Variants in CFAP52 observed in about 807,000 individuals in gnomAD.
CFAP52 encodes the protein cilia- and flagella-associated protein 52.
CFAP52 carries 57 observed loss-of-function variants against 70.5 expected under a neutral mutation model. The ratio of observed to expected loss-of-function variants is 0.81; its 90% CI spans 0.65 to 1.01. The LOEUF (loss-of-function observed/expected upper bound fraction) is 1.01. CFAP52 is among the 50% of genes least tolerant of loss of function. The probability of loss-of-function intolerance (pLI) is 0.00; values close to 1 mark genes in which losing one functional copy is unlikely to be tolerated. For synonymous variants in CFAP52, 267 were observed against 292.5 expected (o/e 0.91, Z 0.89); for missense variants, 785 against 788.5 (o/e 1.00, Z 0.05).
rs556615512 is a variant in CFAP52, at chr17:9,600,230, T to C, written c.753+47T>C. On this transcript the variant is annotated intron_variant, in intron 6 of 13. Transcript: ENST00000352665. Reference sequence around the variant, plus strand: ...TGCCCTGCCATTTTTCTCCCTTCACTGGCAGCATGTACTTTTTTTTTTCCT... The same window carrying C: ...TGCCCTGCCATTTTTCTCCCTTCACCGGCAGCATGTACTTTTTTTTTTCCT... The C allele has an allele frequency of 7.4e-6, 11 of 1,488,308 alleles. No individual in the cohort carries two copies. In the Admixed American group the frequency reaches 1.7e-4, roughly 23 times the overall value. The allele number at this position is 1,488,308 out of a possible 1,614,324, so 92.2% of individuals were successfully genotyped here.
intron 3 of CFAP52, among the ~76,000 whole-genome samples, chr17:9,590,733 C>A (rs1908708958): frequency 6.6e-6 from 1 of 152,182 alleles, no homozygotes; most frequent in Admixed American, 6.5e-5. Context: ...AACTGTTAAT[C>A]TCTGCTGTAA....
At chr17:9,577,894 C>T (rs149194646) in intron 1 of CFAP52, among the ~76,000 whole-genome samples, 162 of 152,190 alleles carry the variant, frequency 1.1e-3, no homozygotes, top group African/African-American at 3.7e-3. Flanking sequence ...GAGTTCGAGA[C>T]CATCCTGTCC....
At chr17:9,613,079 A>G (rs752953359) in intron 8 of CFAP52, among the ~76,000 whole-genome samples, 2 of 152,022 alleles carry the variant, frequency 1.3e-5, no homozygotes, top group East Asian at 3.8e-4. Flanking sequence ...GATATTTTCA[A>G]TTACATTGGG....
chr17:9,586,339 G>A (rs189773762), intron 2 of CFAP52, among the ~76,000 whole-genome samples: 31 of 152,096 alleles, frequency 2.0e-4, no homozygotes, highest in Admixed American at 5.9e-4. Flanking sequence ...CTAGACGGTC[G>A]GATCCCCTGA....
At chr17:9,629,917 TCTC>T (rs1049726851) in intron 9 of CFAP52, among the ~76,000 whole-genome samples, 3 of 151,768 alleles carry the variant, frequency 2.0e-5, no homozygotes, top group South Asian at 2.1e-4. Context: ...GGCCCTGTCT[TCTC>T]CTCCTTGTTA....
chr17:9,638,139 G>C (rs972648738), intron 11 of CFAP52, among the ~76,000 whole-genome samples: 1 of 152,154 alleles, frequency 6.6e-6, no homozygotes, highest in South Asian at 2.1e-4. Flanking sequence ...GCTTTTATTT[G>C]TGAATTAAAG....
At chr17:9,579,682 C>T (rs1174919000) in intron 1 of CFAP52, among the ~76,000 whole-genome samples, 2 of 152,204 alleles carry the variant, frequency 1.3e-5, no homozygotes, top group Non-Finnish European at 2.9e-5. Context: ...ATTCTCCTGC[C>T]TCAGCCTCCC....
intron 2 of CFAP52, among the ~76,000 whole-genome samples, chr17:9,586,208 G>A (rs534561803): frequency 5.9e-5 from 9 of 152,112 alleles, no homozygotes; most frequent in South Asian, 2.1e-4. Flanking sequence ...AAAAGTTCCC[G>A]CTTAAAGCTG....
In CFAP52 at chr17:9,598,052, G is replaced by A. The variant is rs115922623; in HGVS notation, c.537-182G>A. Among the ~76,000 whole-genome samples the A allele has an allele frequency of 3.3e-3, 503 of 151,958 alleles. 4 individuals are homozygous for A. Among genetic ancestry groups the A allele is most frequent in the African/African-American group, 0.012 (488 of 41,450 alleles). On this transcript the variant is annotated intron_variant, in intron 4 of 13. Transcript: ENST00000352665. Reference sequence around the variant, plus strand: ...CTCCGCACTTTCTAATTTGGGAGGGGGGATCATAAAACCTGCCTCGTGGTG... The same window carrying A: ...CTCCGCACTTTCTAATTTGGGAGGGAGGATCATAAAACCTGCCTCGTGGTG...
At chr17:9,585,450 C>T (rs1036973590) in intron 1 of CFAP52, among the ~76,000 whole-genome samples, 7 of 152,028 alleles carry the variant, frequency 4.6e-5, no homozygotes, top group Non-Finnish European at 7.4e-5. Context: ...GGACGGATCA[C>T]GAGGTCAGCA....
intron 8 of CFAP52, among the ~76,000 whole-genome samples, chr17:9,625,824 G>A (rs747001263): frequency 6.6e-6 from 1 of 152,168 alleles, no homozygotes; most frequent in Admixed American, 6.5e-5. Flanking sequence ...GAGAAAATGT[G>A]TGTGAACCAG....
chr17:9,614,376 G>C (rs184358806), intron 8 of CFAP52, among the ~76,000 whole-genome samples: 6 of 151,892 alleles, frequency 4.0e-5, no homozygotes, highest in Admixed American at 6.6e-5. Context: ...AGCTGGTCGC[G>C]AGCTCCCAAC....
chr17:9,636,774 C>T lies in CFAP52; in HGVS notation c.1472+1218C>T, dbSNP rs866768286. Among the ~76,000 whole-genome samples the T allele has an allele frequency of 5.1e-4, 78 of 152,148 alleles. No homozygotes were observed. In the Middle Eastern group the frequency reaches 0.01, roughly 20 times the overall value. ...AAAAAACACAAAGCACTGCTGGGCG[C>T]GGTGGCTCCCGCCTGTAACCCCAGC... On this transcript the variant is annotated intron_variant, in intron 11 of 13. Coordinates refer to ENST00000352665, the MANE Select transcript of CFAP52 (RefSeq NM_145054.5).
intron 6 of CFAP52, 117 bp from the exon 7 acceptor site, chr17:9,608,002 T>G: frequency 1.5e-6 from 1 of 677,022 alleles, no homozygotes. Context: ...ATATTTAAAA[T>G]TTTTTTTATT....
At chr17:9,636,329 T>C (rs1910803012) in intron 11 of CFAP52, among the ~76,000 whole-genome samples, 1 of 152,186 alleles carries the variant, frequency 6.6e-6, no homozygotes, top group Non-Finnish European at 1.5e-5. Context: ...GAACTTCCCA[T>C]GGAGGGGAGG....
chr17:9,616,155 G>A (rs1909906295), intron 8 of CFAP52, among the ~76,000 whole-genome samples: 1 of 142,280 alleles, frequency 7.0e-6, no homozygotes, highest in African/African-American at 3.1e-5. Flanking sequence ...CCGTGCGCGA[G>A]CCGAAGCAGG....
chr17:9,629,107 T>G lies in CFAP52; in HGVS notation c.1174+287T>G, dbSNP rs906460390. On this transcript the variant is annotated intron_variant, in intron 9 of 13. Coordinates refer to ENST00000352665, the MANE Select transcript of CFAP52 (RefSeq NM_145054.5). ...AGAAGTTCAATTTTGAAAAGGAGTT[T>G]GAAAAGGACAGGTCCCCCATGTGAG... Among the ~76,000 whole-genome samples the G allele has an allele frequency of 2.0e-5, 3 of 152,214 alleles. No homozygotes were observed. In the East Asian group the frequency reaches 5.8e-4, roughly 29 times the overall value.
Position 9,594,337 on chromosome 17 carries a change from C to A in CFAP52, c.536+16C>A. 1.2e-6 allele frequency: 2 copies of A among 1,607,262 alleles called. No homozygotes were observed. The highest frequency in any genetic ancestry group is 1.1e-5 in the South Asian group (1 of 89,958). On this transcript the variant is annotated intron_variant, in intron 4 of 13. Coordinates refer to ENST00000352665, the MANE Select transcript of CFAP52 (RefSeq NM_145054.5). ...CTGCTGGAAAGTATGTGTCTGCGTT[C>A]GGAGTTTTCAGAACTCATAAATTGC...
intron 4 of CFAP52, among the ~76,000 whole-genome samples, chr17:9,596,059 G>GTGTGTGTGTATATATATATA (rs1555541607): frequency 1.2e-5 from 1 of 85,206 alleles, no homozygotes; most frequent in Non-Finnish European, 2.3e-5. Flanking sequence ...ATATGTGTGT[G>GTGTGTGTGTATATATATATA]TATATATATA....
Sources: gnomAD v4.1 joint callset for allele counts (sites outside exome capture counted in the v4.1 genomes callset) on GRCh38, gnomAD v4.1.1 for gene constraint, MANE v1.5 for transcripts, NCBI Gene and HGNC (gene_info 2026-07-23, HGNC 2026-07-21) for gene names.